EPB41L2: variants seen among roughly 807,000 people sequenced by gnomAD.
EPB41L2 encodes the protein erythrocyte membrane protein band 4.1 like 2.
A neutral mutation model predicts 113.0 loss-of-function variants in EPB41L2; 43 were observed. That is an observed-to-expected ratio of 0.38 (90% CI 0.30 to 0.49). The LOEUF is 0.49. EPB41L2 is among the 20% of genes least tolerant of loss of function. The probability of loss-of-function intolerance (pLI) is 0.95; values close to 1 mark genes in which losing one functional copy is unlikely to be tolerated. For synonymous variants in EPB41L2, 442 were observed against 436.7 expected, an observed-to-expected ratio of 1.01 and a Z score of -0.15; for missense variants, 1,147 against 1,223.4, an observed-to-expected ratio of 0.94 and a Z score of 0.93.
intron 4 of EPB41L2, among the ~76,000 whole-genome samples, chr6:130,915,657 C>T (rs1310606439): frequency 6.6e-6 from 1 of 152,084 alleles, no homozygotes; most frequent in African/African-American, 2.4e-5. Context: ...GAGTCCCTAC[C>T]CAAATCTCAT....
At chr6:130,944,171 A>G (rs915300719) in intron 3 of EPB41L2, among the ~76,000 whole-genome samples, 7 of 107,622 alleles carry the variant, frequency 6.5e-5, no homozygotes, top group African/African-American at 3.4e-4. Flanking sequence ...ATACACACAC[A>G]TACACACACA....
intron 12 of EPB41L2, among the ~76,000 whole-genome samples, chr6:130,884,676 A>G (rs1438948385): frequency 6.6e-6 from 1 of 152,260 alleles, no homozygotes; most frequent in Non-Finnish European, 1.5e-5. Flanking sequence ...CATTAATTAT[A>G]GATCATTAAT....
intron 19 of EPB41L2, among the ~76,000 whole-genome samples, chr6:130,843,402 C>G (rs1458504030): frequency 6.6e-6 from 1 of 152,188 alleles, no homozygotes; most frequent in Admixed American, 6.5e-5. Context: ...CATGTAAAAG[C>G]TGTAAAAGTT....
At chr6:130,963,228 G>C (rs1774070281) in intron 1 of EPB41L2, among the ~76,000 whole-genome samples, 1 of 152,168 alleles carries the variant, frequency 6.6e-6, no homozygotes, top group Non-Finnish European at 1.5e-5. Context: ...AAAACATCTT[G>C]ATGTTGACTT....
chr6:130,860,194 A>C (rs1447156371), intron 18 of EPB41L2, among the ~76,000 whole-genome samples: 1 of 152,248 alleles, frequency 6.6e-6, no homozygotes, highest in Non-Finnish European at 1.5e-5. Context: ...ACAAGCTCTG[A>C]TGGGAGCCAA....
intron 18 of EPB41L2, among the ~76,000 whole-genome samples, chr6:130,861,097 G>A (rs1781868009): frequency 6.6e-6 from 1 of 151,792 alleles, no homozygotes; most frequent in African/African-American, 2.4e-5. Flanking sequence ...TTTTGAGATG[G>A]AATCTTGCTC....
chr6:130,967,860 A>G (rs1419139686), intron 1 of EPB41L2, among the ~76,000 whole-genome samples: 2 of 152,222 alleles, frequency 1.3e-5, no homozygotes, highest in African/African-American at 4.8e-5. Flanking sequence ...CCTAGTATTT[A>G]GGGAACATTT....
At chr6:130,877,807 GTTAGTT>G (rs1562368935) in intron 14 of EPB41L2, among the ~76,000 whole-genome samples, 1 of 147,488 alleles carries the variant, frequency 6.8e-6, no homozygotes, top group African/African-American at 2.5e-5. Flanking sequence ...AATACAGTAT[GTTAGTT>G]TCTAAATTGT....
At chr6:131,046,082 T>G (rs1795409822) in intron 1 of EPB41L2, among the ~76,000 whole-genome samples, 4 of 148,860 alleles carry the variant, frequency 2.7e-5, no homozygotes. Context: ...AAGCTAATTT[T>G]TTTTTTTTTT....
At position 131,021,271 on chromosome 6, in the gene EPB41L2, C is replaced by G. The variant is rs565515050; in HGVS notation, c.-15+41884G>C. On this transcript the variant is annotated intron_variant, in intron 1 of 19. Transcript: ENST00000337057. ...TTACAACACCTACTGATGGCTCTAA[C>G]TATTAGCAGGTATAGCAAACGAGAA... 3.3e-5 allele frequency among the ~76,000 whole-genome samples: 5 copies of G among 152,282 alleles called. No individual in the cohort carries two copies. In the East Asian group the frequency reaches 5.8e-4, roughly 18 times the overall value.
chr6:130,911,963 G>A (rs1272942649), intron 4 of EPB41L2, among the ~76,000 whole-genome samples: 1 of 152,220 alleles, frequency 6.6e-6, no homozygotes, highest in Admixed American at 6.5e-5. Context: ...CTGCACAGCA[G>A]GACGTGAACA....
chr6:131,061,921 G>A (rs1358451613), intron 1 of EPB41L2, among the ~76,000 whole-genome samples: 1 of 152,070 alleles, frequency 6.6e-6, no homozygotes, highest in Admixed American at 6.5e-5. Context: ...GGAACAAGAC[G>A]CCTGGCACAC....
chr6:130,961,659 A>C (rs1437868512), intron 1 of EPB41L2, among the ~76,000 whole-genome samples: 1 of 152,146 alleles, frequency 6.6e-6, no homozygotes, highest in African/African-American at 2.4e-5. Context: ...GTTTCCTTAA[A>C]ACATTGAGGA....
intron 1 of EPB41L2, among the ~76,000 whole-genome samples, chr6:131,027,713 T>C (rs2128747300): frequency 6.6e-6 from 1 of 152,350 alleles, no homozygotes; most frequent in Non-Finnish European, 1.5e-5. Flanking sequence ...CCATTCTCCA[T>C]GATGTGATTA....
intron 1 of EPB41L2, among the ~76,000 whole-genome samples, chr6:131,021,950 G>A (rs1031033493): frequency 7.9e-5 from 12 of 152,072 alleles, no homozygotes; most frequent in Admixed American, 2.0e-4. Flanking sequence ...GACCAGGGCC[G>A]GGGGATGGTT....
chr6:130,926,925 C>A (rs1172217450), intron 3 of EPB41L2, among the ~76,000 whole-genome samples: 1 of 152,138 alleles, frequency 6.6e-6, no homozygotes, highest in Non-Finnish European at 1.5e-5. Flanking sequence ...AAAGCATAAG[C>A]AAGCACCGTC....
chr6:130,956,958 A>G (rs1817647994), intron 1 of EPB41L2, among the ~76,000 whole-genome samples: 1 of 152,226 alleles, frequency 6.6e-6, no homozygotes, highest in African/African-American at 2.4e-5. Context: ...AATTTCATAC[A>G]TTAAACCCAA....
chr6:131,062,513 C>T (rs1321413893), intron 1 of EPB41L2: 4 of 151,586 alleles, frequency 2.6e-5, no homozygotes, highest in African/African-American at 9.7e-5. Context: ...AGCTCCCAGA[C>T]GGCGCAGGCG....
chr6:130,857,702 A>G (rs6569706), intron 19 of EPB41L2, among the ~76,000 whole-genome samples: 118,631 of 151,782 alleles, frequency 0.78, 47,210 homozygotes, highest in East Asian at 1. Context: ...GATTACAGGC[A>G]TGCACCAACA....
Sources: gnomAD v4.1 joint callset for allele counts (sites outside exome capture counted in the v4.1 genomes callset) on GRCh38, gnomAD v4.1.1 for gene constraint, MANE v1.5 for transcripts, NCBI Gene and HGNC (gene_info 2026-07-23, HGNC 2026-07-21) for gene names.